SGSM1: variants seen among roughly 807,000 people sequenced by gnomAD.
The protein encoded by SGSM1 is RUN and TBC1 domain containing 2.
Under a neutral mutation model 133.8 loss-of-function variants are expected in SGSM1, and 73 were observed. The ratio of observed to expected loss-of-function variants is 0.55; its 90% confidence interval spans 0.45 to 0.66. The LOEUF is 0.66. SGSM1 is among the 30% of genes least tolerant of loss of function. SGSM1 has a pLI of 0.00. For synonymous variants in SGSM1, 563 were observed against 573.0 expected, an observed-to-expected ratio of 0.98 and a Z score of 0.25; for missense variants, 1,213 against 1,448.1, an observed-to-expected ratio of 0.84 and a Z score of 2.64.
chr22:24,903,156 C>A (rs963381998), intron 20 of SGSM1, among the ~76,000 whole-genome samples: 6 of 151,732 alleles, frequency 4.0e-5, no homozygotes, highest in Admixed American at 3.9e-4. Context: ...TGACTACTAA[C>A]AATTTAGTAA....
In SGSM1 at chr22:24,924,314, G is replaced by C; in HGVS notation, c.*40G>C. 1 of 1,570,300 alleles carries C rather than the reference G, an allele frequency of 6.4e-7. No individual in the cohort carries two copies. The highest frequency in any genetic ancestry group is 8.8e-7 in the Non-Finnish European group (1 of 1,141,626). On this transcript the variant is annotated 3_prime_UTR_variant, in exon 25 of 25. Coordinates refer to ENST00000400358, the MANE Select transcript of SGSM1 (RefSeq NM_001098497.3). ...CGGCAGCCTCAGCCAAGCTGCCCCT[G>C]CCCCGCTCCTCTGCTTACTTTTCCT...
chr22:24,810,464 C>G (rs1245228156), intron 2 of SGSM1, among the ~76,000 whole-genome samples: 2 of 152,044 alleles, frequency 1.3e-5, no homozygotes, highest in Non-Finnish European at 2.9e-5. Flanking sequence ...GCTTCCTTTA[C>G]CCTCCCTGCC....
chr22:24,873,223 A>G lies in SGSM1; in HGVS notation c.1292-3354A>G, dbSNP rs6004337. On this transcript the variant is annotated intron_variant, in intron 12 of 24. Coordinates refer to ENST00000400358, the MANE Select transcript of SGSM1 (RefSeq NM_001098497.3). ...AGCAATTCATCCGCCTCAGGCTCCC[A>G]AAGTCCTGGGATTGCAGGCGTGAGC... 9.3e-3 allele frequency among the ~76,000 whole-genome samples: 1,409 copies of G among 152,144 alleles called. 29 individuals are homozygous for G. The highest frequency in any genetic ancestry group is 0.032 in the African/African-American group (1,328 of 41,514).
chr22:24,891,662 A>G (rs1159070115), intron 16 of SGSM1, among the ~76,000 whole-genome samples: 1 of 152,120 alleles, frequency 6.6e-6, no homozygotes, highest in Non-Finnish European at 1.5e-5. Context: ...GAAGCACATT[A>G]GGTGAGGTCC....
chr22:24,882,603 A>G (rs80246193), intron 14 of SGSM1, among the ~76,000 whole-genome samples: 1,760 of 152,314 alleles, frequency 0.012, 33 homozygotes, highest in African/African-American at 0.04. Context: ...ATCCAATACA[A>G]GAACGTATTC....
At chr22:24,840,800 A>G (rs1222147670) in intron 2 of SGSM1, among the ~76,000 whole-genome samples, 1 of 152,134 alleles carries the variant, frequency 6.6e-6, no homozygotes, top group Non-Finnish European at 1.5e-5. Flanking sequence ...CTGCTTTTAT[A>G]GCAGCCCATA....
intron 5 of SGSM1, among the ~76,000 whole-genome samples, chr22:24,851,506 T>A (rs57440696): frequency 0.01 from 1,526 of 151,786 alleles, 38 homozygotes; most frequent in African/African-American, 0.035. Context: ...AATCTCTCCA[T>A]CTTTCAGAAT....
At chr22:24,845,941 T>TTTTCTTTTCTTTTCTTTTC (rs1491325876) in intron 3 of SGSM1, among the ~76,000 whole-genome samples, 4 of 115,620 alleles carry the variant, frequency 3.5e-5, no homozygotes, top group East Asian at 5.1e-4. Flanking sequence ...TTTTCTTTTC[T>TTTTCTTTTCTTTTCTTTTC]TTTCTTTCTT....
intron 2 of SGSM1, among the ~76,000 whole-genome samples, chr22:24,835,724 C>G (rs1929389198): frequency 6.6e-6 from 1 of 151,766 alleles, no homozygotes; most frequent in Non-Finnish European, 1.5e-5. Context: ...GGGCAAGCAG[C>G]AAGGAGGCCT....
chr22:24,921,260 C>T (rs968169934), intron 24 of SGSM1, among the ~76,000 whole-genome samples: 2 of 151,756 alleles, frequency 1.3e-5, no homozygotes, highest in Non-Finnish European at 1.5e-5. Context: ...CCACCACGCC[C>T]GGCTAATTTT....
chr22:24,884,198 A>C lies in SGSM1; in HGVS notation c.1641A>C (p.Thr547=). 1.2e-6 allele frequency: 2 copies of C among 1,612,446 alleles called. No homozygotes were observed. The highest frequency in any genetic ancestry group is 1.7e-6 in the Non-Finnish European group (2 of 1,178,816). ...GGGAGCAGTACCTTCACGACAGCAC[A>C]GTAAGGCTTAGCTGGGCTTGGTCTG... ...RIWEQYLHDS[T]SYEEQELLRL... The change falls in exon 15 of 25, where the codon ACA becomes ACC. Residue 547 remains threonine (T), a splice_region_variant and synonymous_variant. Coordinates refer to ENST00000400358, the MANE Select transcript of SGSM1 (RefSeq NM_001098497.3).
intron 20 of SGSM1, among the ~76,000 whole-genome samples, chr22:24,902,387 T>C (rs1933198456): frequency 6.6e-6 from 1 of 152,194 alleles, no homozygotes; most frequent in South Asian, 2.1e-4. Context: ...TAAAAAGATA[T>C]TATTCCTGTA....
At chr22:24,894,152 C>A (rs1384645839) in intron 17 of SGSM1, among the ~76,000 whole-genome samples, 1 of 152,156 alleles carries the variant, frequency 6.6e-6, no homozygotes, top group African/African-American at 2.4e-5. Flanking sequence ...GCCTGTAATC[C>A]CAGTACTTTG....
At chr22:24,842,434 A>AT (rs1008971711) in intron 2 of SGSM1, among the ~76,000 whole-genome samples, 8 of 151,932 alleles carry the variant, frequency 5.3e-5, no homozygotes, top group African/African-American at 7.3e-5. Flanking sequence ...GAAAATATAT[A>AT]TTTTTTTTCA....
In SGSM1 at chr22:24,924,444, G is replaced by T. The variant is rs1934122256; in HGVS notation, c.*170G>T. ...CTGACTTTTACTTCTGGGCAGATGG[G>T]GTGGAGGGAGTACCCCTTCAATTCA... is the stretch of plus-strand genomic sequence containing the variant. On this transcript the variant is annotated 3_prime_UTR_variant, in exon 25 of 25. Transcript: ENST00000400358. 1 of 610,696 alleles carries T rather than the reference G, an allele frequency of 1.6e-6. No homozygotes were observed. The highest frequency in any genetic ancestry group is 2.9e-6 in the Non-Finnish European group (1 of 341,724). The allele number at this position is 610,696 out of a possible 1,614,324, so 37.8% of individuals were successfully genotyped here.
At chr22:24,872,260 T>C (rs1332238263) in intron 12 of SGSM1, among the ~76,000 whole-genome samples, 1 of 152,216 alleles carries the variant, frequency 6.6e-6, no homozygotes, top group East Asian at 1.9e-4. Context: ...CTCCGCTGGG[T>C]TCTTTGCCTG....
At chr22:24,905,037 A>T in intron 20 of SGSM1, 68 bp from the exon 21 acceptor site, 4 of 1,331,552 alleles carry the variant, frequency 3.0e-6, no homozygotes, top group Non-Finnish European at 4.3e-6. Flanking sequence ...AGCAGGAGGA[A>T]CAGAAGGTGG....
intron 21 of SGSM1, among the ~76,000 whole-genome samples, chr22:24,906,307 A>G (rs968792346): frequency 6.6e-6 from 1 of 152,228 alleles, no homozygotes; most frequent in Non-Finnish European, 1.5e-5. Flanking sequence ...CATCATACTC[A>G]ATGGTGAAAA....
intron 4 of SGSM1, among the ~76,000 whole-genome samples, chr22:24,848,592 C>T (rs1930282310): frequency 6.6e-6 from 1 of 152,210 alleles, no homozygotes; most frequent in Admixed American, 6.5e-5. Flanking sequence ...CACAGCCAAA[C>T]CCCCAGTCTA....
Sources: allele counts gnomAD v4.1 joint callset (sites outside exome capture counted in the v4.1 genomes callset), GRCh38; gene constraint gnomAD v4.1.1; transcripts MANE v1.5; gene names NCBI Gene and HGNC (gene_info 2026-07-23, HGNC 2026-07-21).